The following MLPH variants were observed in gnomAD, a reference collection of about 807,000 sequenced individuals.
MLPH encodes the protein exophilin-3.
Under a neutral mutation model 72.1 loss-of-function variants are expected in MLPH, and 51 were observed. That is an observed-to-expected ratio of 0.71 (90% CI 0.56 to 0.89). The LOEUF (loss-of-function observed/expected upper bound fraction) is 0.89. Ranked by LOEUF, MLPH falls within the 40% of genes least tolerant of loss-of-function variation. The pLI is 0.00. For synonymous variants in MLPH, 301 were observed against 310.1 expected, an observed-to-expected ratio of 0.97 and a Z score of 0.31; for missense variants, 743 against 759.9, an observed-to-expected ratio of 0.98 and a Z score of 0.26.
intron 13 of MLPH, among the ~76,000 whole-genome samples, chr2:237,547,970 A>G (rs2080954407): frequency 6.6e-6 from 1 of 152,154 alleles, no homozygotes; most frequent in Non-Finnish European, 1.5e-5. Flanking sequence ...AGCCTCAAGG[A>G]ACATCTAGCC....
chr2:237,523,626 C>T (rs13425823), intron 6 of MLPH, among the ~76,000 whole-genome samples: 25,480 of 152,010 alleles, frequency 0.17, 2,382 homozygotes, highest in African/African-American at 0.23. Context: ...GGAAGATGGG[C>T]GCAAGATGTA....
intron 12 of MLPH, among the ~76,000 whole-genome samples, chr2:237,546,128 G>C (rs1283396057): frequency 6.6e-6 from 1 of 152,210 alleles, no homozygotes. Context: ...GGTTGTAGTA[G>C]ATAAGAGACA....
intron 1 of MLPH, among the ~76,000 whole-genome samples, chr2:237,490,570 T>C (rs148163100): frequency 6.6e-6 from 1 of 152,206 alleles, no homozygotes; most frequent in South Asian, 2.1e-4. Context: ...GCCTGGAATT[T>C]TGGCTTCTAT....
At chr2:237,493,629 C>G (rs1037909175) in intron 2 of MLPH, 93 bp downstream of exon 2, 1 of 887,204 alleles carries the variant, frequency 1.1e-6, no homozygotes. Flanking sequence ...TCAACAGCCA[C>G]GTGCAGGGTG....
chr2:237,505,414 G>A lies in MLPH; in HGVS notation c.111-5160G>A, dbSNP rs2079746353. Among the ~76,000 whole-genome samples, 1 of 152,130 alleles carries A rather than the reference G, an allele frequency of 6.6e-6. No homozygotes were observed. The highest frequency in any genetic ancestry group is 2.4e-5 in the African/African-American group (1 of 41,422). ...CATGGTTTAAGGATCACAGGGATGT[G>A]GATTCCCCACCACCCCAGCACCCAA... On this transcript the variant is annotated intron_variant, in intron 2 of 15. Transcript: ENST00000264605. This position sits in a 1 kb window ranked among gnomAD's most constrained non-coding sequence, Gnocchi z 4.5.
chr2:237,519,793 A>C lies in MLPH; in HGVS notation c.556-117A>C, dbSNP rs546653630. 1.7e-5 allele frequency: 24 copies of C among 1,440,064 alleles called. No homozygotes were observed. In the East Asian group the frequency reaches 5.5e-4, roughly 33 times the overall value. The allele number at this position is 1,440,064 out of a possible 1,614,324, so 89.2% of individuals were successfully genotyped here. ...GTGGAGGGGGTGGATGTGCTGGGAG[A>C]GGAGCCTGCCCCGCCCCTCTGGGGG... On this transcript the variant is annotated intron_variant, in intron 5 of 15. Coordinates refer to ENST00000264605, the MANE Select transcript of MLPH (RefSeq NM_024101.7).
Position 237,540,216 on chromosome 2 carries a change from G to A in MLPH, c.1105-132G>A, listed in dbSNP as rs952765375. The A allele has an allele frequency of 5.0e-6, 5 of 993,386 alleles. No homozygotes were observed. The African/African-American group carries it at 8.3e-5, about 17-fold the overall frequency. 61.5% of individuals were successfully genotyped at this position (993,386 alleles called of 1,614,324 possible). Reference sequence around the variant, plus strand: ...GGGGCATGTTGGACAAGCTGGCATGGAGAAGGGAGGCAGCTGAGCTCAGCA... The same window carrying A: ...GGGGCATGTTGGACAAGCTGGCATGAAGAAGGGAGGCAGCTGAGCTCAGCA... On this transcript the variant is annotated intron_variant, in intron 9 of 15. Transcript: ENST00000264605.
At chr2:237,523,607 A>C (rs1002514160) in intron 6 of MLPH, among the ~76,000 whole-genome samples, 5 of 152,246 alleles carry the variant, frequency 3.3e-5, no homozygotes, top group African/African-American at 9.6e-5. Context: ...TTAGGGTTTA[A>C]GGATAACAGG....
intron 4 of MLPH, among the ~76,000 whole-genome samples, chr2:237,516,850 T>A (rs1422842051): frequency 6.8e-6 from 1 of 147,940 alleles, no homozygotes; most frequent in African/African-American, 2.5e-5. Context: ...GATGGATGGA[T>A]GGATGATAGG....
chr2:237,523,477 G>A (rs557885681), intron 6 of MLPH, among the ~76,000 whole-genome samples: 2 of 152,188 alleles, frequency 1.3e-5, no homozygotes, highest in East Asian at 3.9e-4. Context: ...TAGACACAGG[G>A]GCATGAGTTA....
intron 2 of MLPH, among the ~76,000 whole-genome samples, chr2:237,506,241 C>A (rs1200303070): frequency 6.6e-6 from 1 of 152,152 alleles, no homozygotes; most frequent in African/African-American, 2.4e-5. Context: ...TTAAAAATAA[C>A]AGTAAACCCC....
chr2:237,498,506 C>T (rs1380999199), intron 2 of MLPH, among the ~76,000 whole-genome samples: 1 of 152,230 alleles, frequency 6.6e-6, no homozygotes, highest in East Asian at 1.9e-4. Flanking sequence ...CTGAGACCCC[C>T]ATGAGCAGCA....
intron 11 of MLPH, 112 bp from the exon 12 acceptor site, chr2:237,542,455 G>T (rs1236201852): frequency 2.4e-6 from 2 of 845,346 alleles, no homozygotes; most frequent in East Asian, 5.3e-5. Context: ...GAAAACACAA[G>T]TAAAATTGGC....
At chr2:237,488,984 C>T (rs2079375274) in intron 1 of MLPH, among the ~76,000 whole-genome samples, 2 of 152,148 alleles carry the variant, frequency 1.3e-5, no homozygotes, top group South Asian at 2.1e-4. Context: ...CATCACTCCC[C>T]CTCTTAATTT....
At chr2:237,527,690 A>G in intron 8 of MLPH, 174 bp downstream of exon 8, 1 of 833,648 alleles carries the variant, frequency 1.2e-6, no homozygotes, top group Non-Finnish European at 1.9e-6. Context: ...AAGTGAATTC[A>G]CATAACAGAA....
intron 14 of MLPH, among the ~76,000 whole-genome samples, chr2:237,550,544 A>G (rs1302012655): frequency 6.6e-6 from 1 of 151,526 alleles, no homozygotes; most frequent in East Asian, 1.9e-4. Flanking sequence ...CCAGGTGGAG[A>G]TTCTTGTTTT....
At chr2:237,548,018 C>A (rs1462551273) in intron 13 of MLPH, among the ~76,000 whole-genome samples, 2 of 152,198 alleles carry the variant, frequency 1.3e-5, no homozygotes, top group Non-Finnish European at 2.9e-5. Flanking sequence ...CACAGTGACA[C>A]GCGATGTTTT....
chr2:237,510,647 AC>A lies in MLPH; in HGVS notation c.187del (p.His63ThrfsTer13), dbSNP rs1316283570. 1.9e-6 allele frequency: 3 copies of A among 1,613,772 alleles called. No homozygotes were observed. The East Asian group carries it at 6.7e-5, about 36-fold the overall frequency. On this transcript the variant is annotated frameshift_variant, in exon 3 of 16. Coordinates refer to ENST00000264605, the MANE Select transcript of MLPH (RefSeq NM_024101.7). LOFTEE classifies it high-confidence loss of function. The surrounding 1 kb of genome is among the most constrained non-coding windows in gnomAD (Gnocchi z 4.4). The stretch of plus-strand genomic sequence containing the variant: ...TTCCGACACTGCCCATCTGAACGAG[AC>A]CCACTGCGCCCGCTGCCTGCAGCCC... ...LLSDTAHLNE[T>X]HCARCLQPYQ...
rs35281589 is a variant in MLPH, at chr2:237,492,235, CA to C, written c.-24-1159del. ...GATTGGGATCAGGTCTGATGAACTT[CA>C]AAAAAAAAGGGCATAAGATCATCTG... On this transcript the variant is annotated intron_variant, in intron 1 of 15. Coordinates refer to ENST00000264605, the MANE Select transcript of MLPH (RefSeq NM_024101.7). Among the ~76,000 whole-genome samples the C allele has an allele frequency of 3.8e-3, 564 of 149,810 alleles. 12 individuals carry two copies. The South Asian group carries it at 0.042, about 11-fold the overall frequency.
Sources: gnomAD v4.1 joint callset for allele counts (sites outside exome capture counted in the v4.1 genomes callset) on GRCh38, gnomAD v4.1.1 for gene constraint, Gnocchi (gnomAD v3.1) non-coding constraint, MANE v1.5 for transcripts, NCBI Gene and HGNC (gene_info 2026-07-23, HGNC 2026-07-21) for gene names.